ZCCHC7: variants seen among roughly 807,000 people sequenced by gnomAD.
ZCCHC7 encodes zinc finger CCHC domain-containing protein 7.
ZCCHC7 carries 35 observed loss-of-function variants against 52.0 expected under a neutral mutation model. The ratio of observed to expected loss-of-function variants is 0.67; its 90% confidence interval spans 0.51 to 0.89. The LOEUF (loss-of-function observed/expected upper bound fraction) is 0.89. ZCCHC7 is among the 40% of genes least tolerant of loss of function. ZCCHC7 has a pLI of 0.00. For missense variants in ZCCHC7, 574 were observed against 649.1 expected, an observed-to-expected ratio of 0.88 and a Z score of 1.26; for synonymous variants, 217 against 221.5, an observed-to-expected ratio of 0.98 and a Z score of 0.18.
chr9:37,271,827 C>G lies in ZCCHC7; in HGVS notation c.611-30361C>G, dbSNP rs532353660. Among the ~76,000 whole-genome samples, 5 of 152,216 alleles carry G rather than the reference C, an allele frequency of 3.3e-5. 1 individual carries two copies. The South Asian group carries it at 1.0e-3, about 32-fold the overall frequency. On this transcript the variant is annotated intron_variant, in intron 2 of 8. Transcript: ENST00000336755. ...CCAAGTGATCTGCCCGCCTCAGCCT[C>G]CCAAATTGCTGGGATTATATGCGTG...
intron 2 of ZCCHC7, among the ~76,000 whole-genome samples, chr9:37,282,466 G>T (rs1221921661): frequency 2.0e-5 from 3 of 151,844 alleles, no homozygotes; most frequent in African/African-American, 7.3e-5. Flanking sequence ...TTAGCCAGGC[G>T]TGGTGGTGGG....
intron 2 of ZCCHC7, among the ~76,000 whole-genome samples, chr9:37,203,301 T>C (rs1205546898): frequency 6.6e-6 from 1 of 152,140 alleles, no homozygotes; most frequent in Non-Finnish European, 1.5e-5. Flanking sequence ...AATATTTTTC[T>C]TTAAAAAATT....
intron 2 of ZCCHC7, among the ~76,000 whole-genome samples, chr9:37,175,551 G>A (rs993924619): frequency 3.3e-5 from 5 of 151,828 alleles, no homozygotes; most frequent in South Asian, 2.1e-4. Context: ...ACCCCTCCCC[G>A]CACACCGCAG....
At chr9:37,316,687 ATGTCCAG>A (rs1334490782) in intron 5 of ZCCHC7, among the ~76,000 whole-genome samples, 2 of 152,156 alleles carry the variant, frequency 1.3e-5, no homozygotes, top group Non-Finnish European at 2.9e-5. Flanking sequence ...ATAGATAACA[ATGTCCAG>A]TGATTTAAAA....
intron 2 of ZCCHC7, among the ~76,000 whole-genome samples, chr9:37,133,400 A>T (rs1842872751): frequency 1.5e-5 from 2 of 137,810 alleles, no homozygotes; most frequent in South Asian, 4.5e-4. Context: ...TTTGAGACAC[A>T]GTCTTGCTCT....
At chr9:37,244,635 C>T (rs976840680) in intron 2 of ZCCHC7, among the ~76,000 whole-genome samples, 10 of 151,618 alleles carry the variant, frequency 6.6e-5, no homozygotes, top group African/African-American at 2.2e-4. Flanking sequence ...CTGTTAAAAC[C>T]CAAGTAATCC....
intron 2 of ZCCHC7, among the ~76,000 whole-genome samples, chr9:37,296,171 G>A (rs562963005): frequency 6.6e-6 from 1 of 152,288 alleles, no homozygotes; most frequent in Non-Finnish European, 1.5e-5. Context: ...ATTGTACTGG[G>A]TTGGGTGGAA....
intron 6 of ZCCHC7, among the ~76,000 whole-genome samples, chr9:37,330,691 A>C (rs1381208518): frequency 6.6e-6 from 1 of 151,696 alleles, no homozygotes; most frequent in East Asian, 1.9e-4. Context: ...CATTTCTGCT[A>C]CATTTTCAGA....
chr9:37,269,134 G>A (rs1344776766), intron 2 of ZCCHC7, among the ~76,000 whole-genome samples: 1 of 152,224 alleles, frequency 6.6e-6, no homozygotes, highest in Admixed American at 6.5e-5. Flanking sequence ...GGCCATTGTG[G>A]CTTGAAAGAG....
chr9:37,355,765 C>T (rs541582417), intron 8 of ZCCHC7, among the ~76,000 whole-genome samples: 2 of 152,292 alleles, frequency 1.3e-5, no homozygotes, highest in South Asian at 2.1e-4. Context: ...TTTCAATCCT[C>T]ATTTGGTTGA....
chr9:37,244,199 G>A (rs988775601), intron 2 of ZCCHC7, among the ~76,000 whole-genome samples: 1 of 150,806 alleles, frequency 6.6e-6, no homozygotes, highest in African/African-American at 2.4e-5. Flanking sequence ...AAGTACTTAT[G>A]GAGTAAAGTT....
intron 2 of ZCCHC7, among the ~76,000 whole-genome samples, chr9:37,166,765 A>G (rs1821446017): frequency 6.6e-6 from 1 of 152,054 alleles, no homozygotes; most frequent in South Asian, 2.1e-4. Context: ...CTTTGTTCAA[A>G]ATACGTTCTG....
chr9:37,120,718 C>G (rs1308521039), intron 1 of ZCCHC7, 95 bp downstream of exon 1: 1 of 364,424 alleles, frequency 2.7e-6, no homozygotes, highest in Non-Finnish European at 4.9e-6. Flanking sequence ...AGCGCGTGCC[C>G]CCTCGCCGGC....
At chr9:37,128,947 A>G (rs1307981082) in intron 2 of ZCCHC7, among the ~76,000 whole-genome samples, 2 of 152,206 alleles carry the variant, frequency 1.3e-5, no homozygotes, top group East Asian at 3.8e-4. Context: ...TCCTGAGATC[A>G]CACCTAGTTT....
chr9:37,220,590 T>G (rs975124523), intron 2 of ZCCHC7, among the ~76,000 whole-genome samples: 2 of 152,052 alleles, frequency 1.3e-5, no homozygotes, highest in Non-Finnish European at 2.9e-5. Context: ...ATGTGAGTGA[T>G]TGATAGATAG....
At chr9:37,330,071 G>A (rs577925523) in intron 6 of ZCCHC7, among the ~76,000 whole-genome samples, 2 of 151,788 alleles carry the variant, frequency 1.3e-5, no homozygotes, top group South Asian at 2.1e-4. Context: ...TTTACAGAAC[G>A]ACTTAAATTT....
intron 2 of ZCCHC7, among the ~76,000 whole-genome samples, chr9:37,276,000 A>C (rs981125813): frequency 1.3e-5 from 2 of 152,236 alleles, no homozygotes; most frequent in South Asian, 4.1e-4. Flanking sequence ...TATAACCAAC[A>C]ATGTATGAGA....
chr9:37,260,788 T>C (rs749676438), intron 2 of ZCCHC7, among the ~76,000 whole-genome samples: 1 of 152,190 alleles, frequency 6.6e-6, no homozygotes, highest in African/African-American at 2.4e-5. Context: ...AGGAGCCTTA[T>C]GGAAGCTGAA....
At chr9:37,297,917 C>T (rs1387058174) in intron 2 of ZCCHC7, among the ~76,000 whole-genome samples, 3 of 152,200 alleles carry the variant, frequency 2.0e-5, no homozygotes, top group Non-Finnish European at 4.4e-5. Context: ...TTGGGGTGAA[C>T]TAGCTTCTAT....
Sources: allele counts gnomAD v4.1 joint callset (sites outside exome capture counted in the v4.1 genomes callset), GRCh38; gene constraint gnomAD v4.1.1; transcripts MANE v1.5; gene names NCBI Gene and HGNC (gene_info 2026-07-23, HGNC 2026-07-21).